Variants in PCDHGB1 observed in about 807,000 individuals in gnomAD.
PCDHGB1 encodes the protein protocadherin gamma-B1.
Under a neutral mutation model 56.6 loss-of-function variants are expected in PCDHGB1, and 34 were observed. That is an observed-to-expected ratio of 0.60 (90% CI 0.46 to 0.80). The LOEUF (loss-of-function observed/expected upper bound fraction) is 0.80, where lower values mean the gene tolerates loss of function less well. PCDHGB1 is among the 30% of genes least tolerant of loss of function. PCDHGB1 has a pLI of 0.00. For missense variants in PCDHGB1, 1,278 were observed against 1,204.6 expected, an observed-to-expected ratio of 1.06 and a Z score of -0.90; for synonymous variants, 561 against 505.9, an observed-to-expected ratio of 1.11 and a Z score of -1.46.
At position 141,393,088 on chromosome 5, in the gene PCDHGB1, G is replaced by T. The variant is rs760420305; in HGVS notation, c.2409+40419G>T. ...TTGATCACCGCGGGCAGGATAGATCGGGAGGAGCTCTGCGCTCAGAGCCCG... is the reference window on the plus strand; with the variant it reads ...TTGATCACCGCGGGCAGGATAGATCTGGAGGAGCTCTGCGCTCAGAGCCCG... On this transcript the variant is annotated intron_variant, in intron 1 of 3. Transcript: ENST00000523390. 3.7e-6 allele frequency: 6 copies of T among 1,613,530 alleles called. No homozygotes were observed. In the East Asian group the frequency reaches 1.3e-4, roughly 36 times the overall value.
chr5:141,362,548 A>G (rs759735052), intron 1 of PCDHGB1: 10 of 1,612,574 alleles, frequency 6.2e-6, no homozygotes, highest in African/African-American at 1.3e-5. Flanking sequence ...CTCAGATACT[A>G]TTTTGAAGGT....
At chr5:141,367,537 A>AAAGT (rs373624904) in intron 1 of PCDHGB1, 2,027 of 147,518 alleles carry the variant, frequency 0.014, 47 homozygotes, top group African/African-American at 0.049. Flanking sequence ...ACTCCGTCTC[A>AAAGT]AAATAAATAA....
At position 141,485,314 on chromosome 5, in the gene PCDHGB1, T is replaced by A. The variant is rs1292296791; in HGVS notation, c.2410-9493T>A. The A allele has an allele frequency of 1.2e-6, 2 of 1,614,150 alleles. No homozygotes were observed. The highest frequency in any genetic ancestry group is 1.7e-6 in the Non-Finnish European group (2 of 1,180,032). ...CACAGGAAGGGACTTTTGTAGGGAA[T>A]GTCGCTCAAGATTTCCTGCTGGATA... On this transcript the variant is annotated intron_variant, in intron 1 of 3. Coordinates refer to ENST00000523390, the MANE Select transcript of PCDHGB1 (RefSeq NM_018922.3). This position sits in a 1 kb window ranked among gnomAD's most constrained non-coding sequence, Gnocchi z 5.7.
At chr5:141,381,826 C>T (rs867772225) in intron 1 of PCDHGB1, among the ~76,000 whole-genome samples, 29 of 74,288 alleles carry the variant, frequency 3.9e-4, no homozygotes, top group Admixed American at 9.7e-4. Flanking sequence ...CTTTCTTCTT[C>T]TTTTTTTTTT....
chr5:141,394,624 T>A (rs542816387), intron 1 of PCDHGB1: 6 of 1,612,992 alleles, frequency 3.7e-6, no homozygotes, highest in Non-Finnish European at 5.1e-6. Flanking sequence ...AACGCCTGGC[T>A]GTCCTACCGC....
rs373297942 is a variant in PCDHGB1, at chr5:141,431,494, C to T, written c.2410-63313C>T. On this transcript the variant is annotated intron_variant, in intron 1 of 3. Coordinates refer to ENST00000523390, the MANE Select transcript of PCDHGB1 (RefSeq NM_018922.3). This position sits in a 1 kb window ranked among gnomAD's most constrained non-coding sequence, Gnocchi z 4.8. ...ACAACGCACCAGCGTTTGCTCAGCC[C>T]GAGTACCGCGCGAGCGTTCCGGAGA... 107 of 1,613,838 alleles carry T rather than the reference C, an allele frequency of 6.6e-5. No homozygotes were observed. Among genetic ancestry groups the T allele is most frequent in the Middle Eastern group, 1.6e-4 (1 of 6,084 alleles).
intron 1 of PCDHGB1, chr5:141,393,595 T>C: frequency 6.2e-7 from 1 of 1,613,866 alleles, no homozygotes; most frequent in Non-Finnish European, 8.5e-7. Context: ...GGCACGCGGC[T>C]GCTTACTGTA....
intron 1 of PCDHGB1, chr5:141,394,137 G>A (rs1406338034): frequency 6.2e-6 from 10 of 1,613,902 alleles, no homozygotes; most frequent in East Asian, 2.2e-5. Context: ...CGCTCTGCAC[G>A]TGGCAGACAT....
Position 141,485,152 on chromosome 5 carries a change from A to C in PCDHGB1, c.2410-9655A>C. ...CTTCATCCGCGTCTCAGGAGCAAGT[A>C]GAGAATTAGCGGGCGGCAGCAATGC... On this transcript the variant is annotated intron_variant, in intron 1 of 3. Coordinates refer to ENST00000523390, the MANE Select transcript of PCDHGB1 (RefSeq NM_018922.3). The surrounding 1 kb of genome is among the most constrained non-coding windows in gnomAD (Gnocchi z 5.7). 8.8e-6 allele frequency: 14 copies of C among 1,586,038 alleles called. No individual in the cohort carries two copies. The highest frequency in any genetic ancestry group is 1.0e-5 in the Non-Finnish European group (12 of 1,157,128).
At chr5:141,360,740 G>C (rs1761724745) in intron 1 of PCDHGB1, 1 of 1,613,842 alleles carries the variant, frequency 6.2e-7, no homozygotes, top group Admixed American at 1.7e-5. Context: ...TCTCTGGACA[G>C]AGAAGAGCAC....
chr5:141,415,077 A>C, intron 1 of PCDHGB1: 2 of 1,613,468 alleles, frequency 1.2e-6, no homozygotes, highest in Non-Finnish European at 1.7e-6. Flanking sequence ...GCACGGCGCG[A>C]GCCCTGCTGG....
At chr5:141,372,060 A>T in intron 1 of PCDHGB1, 1 of 1,613,540 alleles carries the variant, frequency 6.2e-7, no homozygotes, top group East Asian at 2.2e-5. Flanking sequence ...GGACGACCGC[A>T]ACGACAATGC....
chr5:141,361,855 C>G, intron 1 of PCDHGB1: 1 of 1,612,444 alleles, frequency 6.2e-7, no homozygotes, highest in African/African-American at 1.3e-5. Flanking sequence ...TGGCTCCGCC[C>G]TCTTCGATAT....
At chr5:141,429,523 A>G (rs1009016050) in intron 1 of PCDHGB1, among the ~76,000 whole-genome samples, 1 of 152,174 alleles carries the variant, frequency 6.6e-6, no homozygotes, top group Non-Finnish European at 1.5e-5. Context: ...CAGAGAAAAA[A>G]GCTTAAAAAA....
chr5:141,417,647 C>G, intron 1 of PCDHGB1: 8 of 812,384 alleles, frequency 9.8e-6, no homozygotes, highest in Non-Finnish European at 1.5e-5. Flanking sequence ...ATCCCTCAGC[C>G]TCTAGCCTGG....
chr5:141,432,271 C>T lies in PCDHGB1; in HGVS notation c.2410-62536C>T. On this transcript the variant is annotated intron_variant, in intron 1 of 3. Transcript: ENST00000523390. The surrounding 1 kb of genome is among the most constrained non-coding windows in gnomAD (Gnocchi z 6.0). ...TCCAAGGGGCAAGCCTATCGTCCTA[C>T]GTGTCCATCAACTCCGACACTGGGG... is the stretch of plus-strand genomic sequence containing the variant. The T allele has an allele frequency of 6.2e-7, 1 of 1,614,264 alleles. No individual in the cohort carries two copies. Among genetic ancestry groups the T allele is most frequent in the Non-Finnish European group, 8.5e-7 (1 of 1,180,050 alleles).
At chr5:141,389,391 G>C (rs544096177) in intron 1 of PCDHGB1, 9 of 1,613,686 alleles carry the variant, frequency 5.6e-6, no homozygotes, top group African/African-American at 1.3e-5. Context: ...GTCATCCTAC[G>C]TGTCCATAAG....
At chr5:141,419,922 T>C (rs761868361) in intron 1 of PCDHGB1, 1 of 1,614,090 alleles carries the variant, frequency 6.2e-7, no homozygotes, top group South Asian at 1.1e-5. Flanking sequence ...CAGGCTGAGA[T>C]GCAGTTTTAC....
chr5:141,350,456 G>A lies in PCDHGB1; in HGVS notation c.196G>A (p.Val66Ile). 2 of 1,613,442 alleles carry A rather than the reference G, an allele frequency of 1.2e-6. No individual in the cohort carries two copies. Among genetic ancestry groups the A allele is most frequent in the African/African-American group, 1.3e-5 (1 of 75,030 alleles). ...GGAGTTGCCAACTCGAAAACTGCGG[G>A]TTAGTGCAGAGGATTATTTCAACGT... Reference protein sequence around the residue: ...VRELPTRKLRVSAEDYFNVSL... With the variant: ...VRELPTRKLRISAEDYFNVSL... Residue 66 changes from valine to isoleucine, a missense_variant, in exon 1 of 4, where the codon GTT becomes ATT. Coordinates refer to ENST00000523390, the MANE Select transcript of PCDHGB1 (RefSeq NM_018922.3).
Sources: allele counts gnomAD v4.1 joint callset (sites outside exome capture counted in the v4.1 genomes callset), GRCh38; gene constraint gnomAD v4.1.1; non-coding constraint Gnocchi (gnomAD v3.1); transcripts MANE v1.5; gene names NCBI Gene and HGNC (gene_info 2026-07-23, HGNC 2026-07-21).